The following TSNARE1 variants were observed in gnomAD, a reference collection of about 807,000 sequenced individuals.
TSNARE1 encodes the protein t-SNARE domain containing 1, also known as t-SNARE domain-containing protein 1.
In TSNARE1, 49 loss-of-function variants were observed where a neutral mutation model predicts 62.0. The observed-to-expected ratio is 0.79, with a 90% CI of 0.63 to 1.00. The LOEUF (loss-of-function observed/expected upper bound fraction) is 1.00. TSNARE1 is among the 50% of genes least tolerant of loss of function. The pLI is 0.00. For synonymous variants in TSNARE1, 328 were observed against 294.4 expected (o/e 1.11, Z -1.17); for missense variants, 755 against 700.1 (o/e 1.08, Z -0.88).
intron 12 of TSNARE1, among the ~76,000 whole-genome samples, chr8:142,246,249 G>A (rs1399091496): frequency 6.6e-6 from 1 of 152,128 alleles, no homozygotes; most frequent in African/African-American, 2.4e-5. Flanking sequence ...GCAGGGCTGG[G>A]GGACCCCCAG....
chr8:142,256,274 C>CTGT (rs1818546230), intron 12 of TSNARE1, among the ~76,000 whole-genome samples: 1 of 104,588 alleles, frequency 9.6e-6, no homozygotes, highest in Admixed American at 9.5e-5. Context: ...ACCATCACCA[C>CTGT]CACCATTACC....
chr8:142,269,358 A>G (rs1819318466), intron 12 of TSNARE1: 1 of 879,338 alleles, frequency 1.1e-6, no homozygotes, highest in Non-Finnish European at 1.4e-6. Context: ...TGCAGTCAGG[A>G]CACAGTGTGG....
At chr8:142,264,334 T>C (rs1819032254) in intron 12 of TSNARE1, among the ~76,000 whole-genome samples, 1 of 152,366 alleles carries the variant, frequency 6.6e-6, no homozygotes, top group Non-Finnish European at 1.5e-5. Context: ...ATGTTTTGAC[T>C]CTTGCTTTAT....
At chr8:142,309,783 C>T (rs1290080448) in intron 9 of TSNARE1, among the ~76,000 whole-genome samples, 3 of 152,168 alleles carry the variant, frequency 2.0e-5, no homozygotes, top group African/African-American at 4.8e-5. Context: ...TGTGCTTCCT[C>T]CTGCCGTATT....
rs1308521965 is a variant in TSNARE1, at chr8:142,280,064, C to T, written c.1363+4349G>A. The T allele has an allele frequency of 4.7e-5, 58 of 1,234,916 alleles. 2 individuals carry two copies. The South Asian group carries it at 7.5e-4, about 16-fold the overall frequency. 76.5% of individuals were successfully genotyped at this position (1,234,916 alleles called of 1,614,324 possible). On this transcript the variant is annotated intron_variant, in intron 11 of 13. Coordinates refer to ENST00000524325, the MANE Select transcript of TSNARE1 (RefSeq NM_145003.5). ...CGGCAGTAGCCCAGCGCGTTCACTG[C>T]CTGCAGGATGCGGCTCCACACGCGG...
intron 12 of TSNARE1, among the ~76,000 whole-genome samples, chr8:142,250,995 A>G (rs1818131801): frequency 6.6e-6 from 1 of 152,202 alleles, no homozygotes; most frequent in Non-Finnish European, 1.5e-5. Flanking sequence ...GCCTCCAGGG[A>G]GCAGCGGGCT....
intron 1 of TSNARE1, among the ~76,000 whole-genome samples, chr8:142,388,550 C>CTTTTTTT (rs71313221): frequency 1.9e-4 from 13 of 67,410 alleles, no homozygotes; most frequent in East Asian, 4.9e-4. Flanking sequence ...AAAACAAAAT[C>CTTTTTTT]TTTTTTTTTT....
At chr8:142,366,526 TAAGAGACCTACAGGG>T (rs1162397129) in intron 1 of TSNARE1, among the ~76,000 whole-genome samples, 4 of 152,148 alleles carry the variant, frequency 2.6e-5, no homozygotes, top group African/African-American at 9.7e-5. Flanking sequence ...CATATTAACC[TAAGAGACCTACAGGG>T]AAAAGCTGGT....
chr8:142,353,880 T>TCACTCCC (rs1468107976), intron 2 of TSNARE1, among the ~76,000 whole-genome samples: 2 of 98,290 alleles, frequency 2.0e-5, no homozygotes, highest in Non-Finnish European at 3.8e-5. Flanking sequence ...GCTGTTAGGC[T>TCACTCCC]GAGCCCGAGG....
intron 10 of TSNARE1, among the ~76,000 whole-genome samples, chr8:142,286,511 G>A (rs1056371927): frequency 1.3e-5 from 2 of 152,218 alleles, no homozygotes; most frequent in African/African-American, 2.4e-5. Context: ...GGAAGGTAGC[G>A]AGAAGGTGGG....
intron 13 of TSNARE1, among the ~76,000 whole-genome samples, chr8:142,225,842 C>G (rs920428997): frequency 6.6e-6 from 1 of 152,242 alleles, no homozygotes; most frequent in Admixed American, 6.5e-5. Context: ...CATGTGTTCT[C>G]TCATAGCCCG....
intron 1 of TSNARE1, among the ~76,000 whole-genome samples, chr8:142,369,664 C>A (rs1279426292): frequency 6.6e-6 from 1 of 152,144 alleles, no homozygotes; most frequent in East Asian, 1.9e-4. Context: ...CAGGGAAATG[C>A]CAACAATTAG....
chr8:142,332,669 C>T (rs1044535466), intron 4 of TSNARE1, among the ~76,000 whole-genome samples: 3 of 152,156 alleles, frequency 2.0e-5, no homozygotes, highest in Non-Finnish European at 2.9e-5. Context: ...ATAAACGGCA[C>T]GGCCACCATG....
At chr8:142,270,202 G>A (rs996824818) in intron 12 of TSNARE1, 4 of 985,250 alleles carry the variant, frequency 4.1e-6, no homozygotes, top group African/African-American at 3.5e-5. Context: ...AGGGACTGGA[G>A]ATGTGGCAGC....
At chr8:142,373,905 T>C (rs1198176849) in intron 1 of TSNARE1, among the ~76,000 whole-genome samples, 2 of 151,906 alleles carry the variant, frequency 1.3e-5, no homozygotes, top group African/African-American at 4.8e-5. Context: ...ACCCAGGGGA[T>C]TAAAACATCA....
chr8:142,303,135 A>G (rs1016209338), intron 9 of TSNARE1, among the ~76,000 whole-genome samples: 10 of 152,168 alleles, frequency 6.6e-5, no homozygotes, highest in African/African-American at 2.4e-4. Context: ...GTCGCCCTGC[A>G]AAGAAGCTGT....
In TSNARE1 at chr8:142,272,378, TTCCA is replaced by T. The variant is rs1234662865; in HGVS notation, c.1446+2399_1446+2402del. Reference sequence around the variant, plus strand: ...CACCCACCCGTCTACACCTTCCTCCTTCCATCCATCCACCCGCCCATCTACACCT... The same window carrying T: ...CACCCACCCGTCTACACCTTCCTCCTTCCATCCACCCGCCCATCTACACCT... On this transcript the variant is annotated intron_variant, in intron 12 of 13. Transcript: ENST00000524325. Among the ~76,000 whole-genome samples the T allele has an allele frequency of 2.4e-4, 25 of 102,776 alleles. 1 individual carries two copies. The highest frequency in any genetic ancestry group is 1.3e-3 in the Admixed American group (14 of 10,792). The allele number at this position is 102,776 out of a possible 152,430, so 67.4% of individuals were successfully genotyped here. A position where few individuals can be genotyped will look rare whatever the true frequency, so the allele number is the denominator to read the frequency against.
At chr8:142,256,328 T>TCA (rs1563782661) in intron 12 of TSNARE1, among the ~76,000 whole-genome samples, 31 of 12,440 alleles carry the variant, frequency 2.5e-3, no homozygotes, top group Admixed American at 3.8e-3. Flanking sequence ...ACCATCACCA[T>TCA]CTTTGCCACC....
intron 11 of TSNARE1, 34 bp downstream of exon 11, chr8:142,284,379 C>T: frequency 6.3e-7 from 1 of 1,583,306 alleles, no homozygotes; most frequent in Non-Finnish European, 8.7e-7. Flanking sequence ...GCCCTCGGGG[C>T]AGCAGGTGGC....
Sources: gnomAD v4.1 joint callset for allele counts (sites outside exome capture counted in the v4.1 genomes callset) on GRCh38, gnomAD v4.1.1 for gene constraint, MANE v1.5 for transcripts, NCBI Gene and HGNC (gene_info 2026-07-23, HGNC 2026-07-21) for gene names.